Variants in TXNRD3 observed in about 807,000 individuals in gnomAD.
The protein encoded by TXNRD3 is thioredoxin reductase 3, also known as TXNRD3 neighbor gene protein.
Under a neutral mutation model 78.2 loss-of-function variants are expected in TXNRD3, and 68 were observed. That is an observed-to-expected ratio of 0.87 (90% CI 0.72 to 1.06). The LOEUF is 1.06. Ranked by LOEUF, TXNRD3 falls within the 50% of genes least tolerant of loss-of-function variation. The probability of loss-of-function intolerance (pLI) is 0.00; values close to 1 mark genes in which losing one functional copy is unlikely to be tolerated. For missense variants in TXNRD3, 751 were observed against 809.5 expected (o/e 0.93, Z 0.88); for synonymous variants, 296 against 300.1 (o/e 0.99, Z 0.14).
chr3:126,644,302 C>G lies in TXNRD3; in HGVS notation c.514G>C (p.Ala172Pro), dbSNP rs374005240. Residue 172 changes from alanine to proline, a missense_variant, in exon 4 of 16, where the codon GCG becomes CCG. Transcript: ENST00000524230. Reference sequence around the variant, plus strand: ...TTTCATTTCTATATTCATACCTTCGCACATGAAAGGCCTCCAGAACCACCA... The same window carrying G: ...TTTCATTTCTATATTCATACCTTCGGACATGAAAGGCCTCCAGAACCACCA... 7.2e-6 allele frequency: 11 copies of G among 1,535,932 alleles called. No individual in the cohort carries two copies. Among genetic ancestry groups the G allele is most frequent in the South Asian group, 6.0e-5 (5 of 84,004 alleles).
chr3:126,648,621 C>T (rs1007296904), intron 1 of TXNRD3, among the ~76,000 whole-genome samples: 3 of 152,164 alleles, frequency 2.0e-5, no homozygotes, highest in Non-Finnish European at 4.4e-5. Context: ...ACAAATGATG[C>T]TGAGAAAACT....
chr3:126,617,682 A>T (rs1186633070), intron 12 of TXNRD3, among the ~76,000 whole-genome samples: 1 of 152,264 alleles, frequency 6.6e-6, no homozygotes, highest in African/African-American at 2.4e-5. Context: ...AAGGATGCCC[A>T]CTGGCACCAG....
chr3:126,638,456 G>A (rs3103563), intron 6 of TXNRD3, among the ~76,000 whole-genome samples: 30,524 of 152,056 alleles, frequency 0.2, 3,330 homozygotes, highest in Admixed American at 0.29. Flanking sequence ...CATTTTAGCC[G>A]GGCACGGTGG....
Position 126,642,130 on chromosome 3 carries a change from T to C in TXNRD3, c.614A>G (p.Asn205Ser). The C allele has an allele frequency of 2.0e-6, 3 of 1,535,996 alleles. No homozygotes were observed. Among genetic ancestry groups the C allele is most frequent in the Non-Finnish European group, 2.6e-6 (3 of 1,146,822 alleles). The change falls in exon 6 of 16, where the codon AAT (asparagine) becomes AGT (serine). Residue 205 changes from asparagine to serine, a missense_variant. Asn to Ser is a conservative substitution (Grantham distance 46). Transcript: ENST00000524230. ...CAATTTCTTAGGAATACAACCTACA[T>C]TTACACAAGTGCCACCAAGACCTGA...
At chr3:126,611,479 G>A (rs546661764) in intron 13 of TXNRD3, among the ~76,000 whole-genome samples, 2 of 152,294 alleles carry the variant, frequency 1.3e-5, no homozygotes, top group African/African-American at 4.8e-5. Context: ...AGATCCTGAC[G>A]TCAAAGCTGA....
At chr3:126,619,522 G>C (rs1166923429) in intron 12 of TXNRD3, among the ~76,000 whole-genome samples, 1 of 152,128 alleles carries the variant, frequency 6.6e-6, no homozygotes, top group East Asian at 1.9e-4. Context: ...TCTTATAGAA[G>C]TAGAAAGTAG....
intron 10 of TXNRD3, among the ~76,000 whole-genome samples, chr3:126,624,385 A>G (rs1400158796): frequency 1.3e-5 from 2 of 152,084 alleles, no homozygotes; most frequent in African/African-American, 4.8e-5. Flanking sequence ...ACGGTCTATG[A>G]GAAGAGCACA....
intron 6 of TXNRD3, among the ~76,000 whole-genome samples, chr3:126,638,659 G>A (rs969616942): frequency 3.3e-5 from 5 of 152,042 alleles, no homozygotes; most frequent in Admixed American, 2.0e-4. Flanking sequence ...GCTTGAACAC[G>A]GGAGATGGAG....
intron 6 of TXNRD3, among the ~76,000 whole-genome samples, chr3:126,634,704 C>T (rs1380558952): frequency 6.6e-6 from 1 of 152,100 alleles, no homozygotes; most frequent in Non-Finnish European, 1.5e-5. Flanking sequence ...GATGCCAGAT[C>T]CTGAAGGTCA....
chr3:126,645,291 A>C (rs1194288983), intron 3 of TXNRD3, among the ~76,000 whole-genome samples: 1 of 152,232 alleles, frequency 6.6e-6, no homozygotes. Flanking sequence ...TCTTGAAATA[A>C]TAGAATTGCT....
chr3:126,630,865 C>T lies in TXNRD3; in HGVS notation c.1044G>A (p.Glu348=), dbSNP rs1938698974. Residue 348 remains glutamate (E), a synonymous_variant, in exon 9 of 16, where the codon GAG becomes GAA. Coordinates refer to ENST00000524230, the MANE Select transcript of TXNRD3 (RefSeq NM_052883.3). ...CAAAGCCAGCCAGAAACCCTGCACA[C>T]TCCAGGGCAACATAAGAGGCACCCA... The T allele has an allele frequency of 6.5e-7, 1 of 1,536,006 alleles. No homozygotes were observed. The highest frequency in any genetic ancestry group is 8.7e-7 in the Non-Finnish European group (1 of 1,146,872).
At chr3:126,612,512 G>T (rs1938223394) in intron 13 of TXNRD3, among the ~76,000 whole-genome samples, 1 of 152,098 alleles carries the variant, frequency 6.6e-6, no homozygotes, top group Non-Finnish European at 1.5e-5. Flanking sequence ...TTGAGACAGA[G>T]TCTCACTCCA....
At chr3:126,646,076 A>G (rs953968005) in intron 3 of TXNRD3, 35 bp downstream of exon 3, 1 of 1,435,170 alleles carries the variant, frequency 7.0e-7, no homozygotes, top group African/African-American at 1.5e-5. Flanking sequence ...AAATATGAAC[A>G]AACAGCATTG....
chr3:126,641,982 A>C, intron 6 of TXNRD3, 50 bp downstream of exon 6: 3 of 1,471,192 alleles, frequency 2.0e-6, no homozygotes, highest in Non-Finnish European at 2.7e-6. Context: ...TTATCTAAAA[A>C]ACTCATTTTT....
At chr3:126,643,778 G>A (rs73197956) in intron 5 of TXNRD3, among the ~76,000 whole-genome samples, 5,945 of 151,022 alleles carry the variant, frequency 0.039, 249 homozygotes, top group South Asian at 0.2. Context: ...CTATATTTCC[G>A]GGCTAGTCTG....
At chr3:126,623,913 T>C (rs1023695605) in intron 10 of TXNRD3, among the ~76,000 whole-genome samples, 9 of 146,496 alleles carry the variant, frequency 6.1e-5, no homozygotes, top group Non-Finnish European at 1.4e-4. Flanking sequence ...CAAAATTGTT[T>C]TTATTTGTAG....
intron 6 of TXNRD3, among the ~76,000 whole-genome samples, chr3:126,641,023 C>G (rs544846323): frequency 6.6e-6 from 1 of 152,214 alleles, no homozygotes; most frequent in Non-Finnish European, 1.5e-5. Context: ...AGTACATCTT[C>G]CAGGACATCT....
intron 1 of TXNRD3, among the ~76,000 whole-genome samples, chr3:126,651,028 AC>A (rs1933375312): frequency 6.6e-6 from 1 of 152,208 alleles, no homozygotes; most frequent in African/African-American, 2.4e-5. Flanking sequence ...AACACTAAGC[AC>A]CCAATAACAC....
chr3:126,625,316 C>T (rs1337911359), intron 10 of TXNRD3, among the ~76,000 whole-genome samples: 1 of 105,612 alleles, frequency 9.5e-6, no homozygotes, highest in South Asian at 3.9e-4. Context: ...TCCCCCCACC[C>T]CACAACAGGC....
Sources: gnomAD v4.1 joint callset for allele counts (sites outside exome capture counted in the v4.1 genomes callset) on GRCh38, gnomAD v4.1.1 for gene constraint, MANE v1.5 for transcripts, NCBI Gene and HGNC (gene_info 2026-07-23, HGNC 2026-07-21) for gene names.